SLC4A4: variants seen among roughly 807,000 people sequenced by gnomAD.
SLC4A4 encodes the protein solute carrier family 4 member 4.
A neutral mutation model predicts 111.5 loss-of-function variants in SLC4A4; 27 were observed. The ratio of observed to expected loss-of-function variants is 0.24; its 90% CI spans 0.18 to 0.33. The LOEUF is 0.33. SLC4A4 is among the 10% of genes least tolerant of loss of function. SLC4A4 has a pLI of 1.00. For missense variants in SLC4A4, 909 were observed against 1,315.5 expected (o/e 0.69, Z 4.78); for synonymous variants, 443 against 463.4 (o/e 0.96, Z 0.57).
At chr4:71,480,453 A>G (rs1560545579) in intron 14 of SLC4A4, among the ~76,000 whole-genome samples, 1 of 151,446 alleles carries the variant, frequency 6.6e-6, no homozygotes, top group East Asian at 2.0e-4. Flanking sequence ...TAATTTCCCT[A>G]GAAGCTACTT....
intron 1 of SLC4A4, among the ~76,000 whole-genome samples, chr4:71,075,510 C>T (rs934005046): frequency 7.9e-5 from 12 of 152,190 alleles, no homozygotes; most frequent in South Asian, 6.2e-4. Context: ...ACATCAGCCA[C>T]ACTGGCTTCT....
intron 2 of SLC4A4, among the ~76,000 whole-genome samples, chr4:71,134,661 C>G (rs537761918): frequency 6.6e-6 from 1 of 152,328 alleles, no homozygotes; most frequent in African/African-American, 2.4e-5. Context: ...GCCAGGGATT[C>G]CCTCCTCTGT....
In SLC4A4 at chr4:71,375,828, A is replaced by G. The variant is rs73828114; in HGVS notation, c.730+18641A>G. On this transcript the variant is annotated intron_variant, in intron 6 of 25. Transcript: ENST00000264485. Reference sequence around the variant, plus strand: ...TATTGTTGTCTATATAGCTGCTTTCATGCTACAATGACGGAGTAGTGGCGG... The same window carrying G: ...TATTGTTGTCTATATAGCTGCTTTCGTGCTACAATGACGGAGTAGTGGCGG... 8.0e-3 allele frequency among the ~76,000 whole-genome samples: 1,211 copies of G among 152,102 alleles called. 17 individuals carry two copies. The highest frequency in any genetic ancestry group is 0.026 in the African/African-American group (1,070 of 41,488).
intron 3 of SLC4A4, among the ~76,000 whole-genome samples, chr4:71,327,191 G>C (rs1210830103): frequency 6.6e-6 from 1 of 151,830 alleles, no homozygotes; most frequent in Non-Finnish European, 1.5e-5. Flanking sequence ...AAACCAAAAG[G>C]GTACATTCGC....
chr4:71,214,313 T>G (rs1245906543), intron 1 of SLC4A4, among the ~76,000 whole-genome samples: 1 of 152,152 alleles, frequency 6.6e-6, no homozygotes, highest in Non-Finnish European at 1.5e-5. Flanking sequence ...TGAAAGGGAA[T>G]GATAATTAAA....
At chr4:71,338,390 G>A (rs1728600065) in intron 3 of SLC4A4, among the ~76,000 whole-genome samples, 1 of 152,048 alleles carries the variant, frequency 6.6e-6, no homozygotes. Context: ...ATATTTGTGT[G>A]TACTTGAACT....
At chr4:71,258,143 C>T (rs1242980292) in intron 3 of SLC4A4, among the ~76,000 whole-genome samples, 1 of 152,176 alleles carries the variant, frequency 6.6e-6, no homozygotes, top group Non-Finnish European at 1.5e-5. Flanking sequence ...TCTTTCTAGT[C>T]CTGTGATGTG....
intron 15 of SLC4A4, among the ~76,000 whole-genome samples, chr4:71,493,341 A>T (rs1730105871): frequency 6.6e-6 from 1 of 152,012 alleles, no homozygotes; most frequent in Admixed American, 6.6e-5. Context: ...CTAAATTGAA[A>T]GTTTATTTTA....
intron 2 of SLC4A4, among the ~76,000 whole-genome samples, chr4:71,127,086 A>C (rs919587098): frequency 6.6e-6 from 1 of 152,228 alleles, no homozygotes; most frequent in Non-Finnish European, 1.5e-5. Context: ...TTCAGACCCC[A>C]AAAATGCTTT....
chr4:71,147,394 G>T (rs1744204397), intron 2 of SLC4A4, among the ~76,000 whole-genome samples: 1 of 152,008 alleles, frequency 6.6e-6, no homozygotes. Flanking sequence ...CCTTGGAGGT[G>T]GTGGTTCATG....
chr4:71,186,774 T>C, upstream of SLC4A4: 1 of 152,102 alleles, frequency 6.6e-6, no homozygotes, highest in Non-Finnish European at 1.5e-5. Flanking sequence ...CGGCACAGCC[T>C]CCGCCGCGGC....
intron 3 of SLC4A4, among the ~76,000 whole-genome samples, chr4:71,321,627 G>A (rs1359872953): frequency 4.6e-5 from 7 of 151,914 alleles, no homozygotes; most frequent in Non-Finnish European, 2.9e-5. Flanking sequence ...TCTGGGGAGG[G>A]CCTGCTTGGA....
chr4:71,371,245 C>CTTTTTTTTTTTTTTTTTTTTTTTTTTTTT (rs71213506), intron 6 of SLC4A4, among the ~76,000 whole-genome samples: 1 of 120,080 alleles, frequency 8.3e-6, no homozygotes. Context: ...CCAGGAATGC[C>CTTTTTTTTTTTTTTTTTTTTTTTTTTTTT]TTTTTTTTTT....
At chr4:71,423,003 G>A (rs1315760030) in intron 7 of SLC4A4, among the ~76,000 whole-genome samples, 1 of 152,160 alleles carries the variant, frequency 6.6e-6, no homozygotes, top group African/African-American at 2.4e-5. Flanking sequence ...TTAGGCAGGA[G>A]AAGGAAATAA....
At chr4:71,134,424 T>C (rs1743790895) in intron 2 of SLC4A4, among the ~76,000 whole-genome samples, 1 of 152,214 alleles carries the variant, frequency 6.6e-6, no homozygotes, top group African/African-American at 2.4e-5. Flanking sequence ...ATAAGGCTTG[T>C]TGTCTACACC....
At chr4:71,145,953 T>C (rs1162731750) in intron 2 of SLC4A4, among the ~76,000 whole-genome samples, 1 of 152,238 alleles carries the variant, frequency 6.6e-6, no homozygotes, top group Non-Finnish European at 1.5e-5. Flanking sequence ...TTCCTTCAGT[T>C]CTGCTCTGAT....
intron 3 of SLC4A4, among the ~76,000 whole-genome samples, chr4:71,306,289 A>G (rs2148847455): frequency 6.6e-6 from 1 of 152,286 alleles, no homozygotes; most frequent in South Asian, 2.1e-4. Context: ...TTGTCTATAA[A>G]ATGGGATAAT....
intron 2 of SLC4A4, among the ~76,000 whole-genome samples, chr4:71,153,033 G>GTGTGTATATATA (rs386400441): frequency 1.5e-5 from 2 of 132,720 alleles, no homozygotes; most frequent in African/African-American, 5.2e-5. Context: ...ATATGTGTGT[G>GTGTGTATATATA]TATATATATA....
intron 2 of SLC4A4, among the ~76,000 whole-genome samples, chr4:71,107,121 A>G (rs1560723081): frequency 6.6e-6 from 1 of 152,008 alleles, no homozygotes; most frequent in Non-Finnish European, 1.5e-5. Context: ...AAAGTGAGAT[A>G]TGTTATCTAT....
Sources: gnomAD v4.1 joint callset for allele counts (sites outside exome capture counted in the v4.1 genomes callset) on GRCh38, gnomAD v4.1.1 for gene constraint, MANE v1.5 for transcripts, NCBI Gene and HGNC (gene_info 2026-07-23, HGNC 2026-07-21) for gene names.